The following SLC25A28 variants were observed in gnomAD, a reference collection of about 807,000 sequenced individuals.
The protein encoded by SLC25A28 is mitoferrin-2.
In SLC25A28, 10 loss-of-function variants were observed where a neutral mutation model predicts 31.9. The observed-to-expected ratio is 0.31, with a 90% CI of 0.19 to 0.53. The LOEUF is 0.53. Ranked by LOEUF, SLC25A28 falls within the 20% of genes least tolerant of loss-of-function variation. SLC25A28 has a pLI of 0.95. For synonymous variants in SLC25A28, 208 were observed against 203.6 expected, an observed-to-expected ratio of 1.02 and a Z score of -0.19; for missense variants, 256 against 490.3, an observed-to-expected ratio of 0.52 and a Z score of 4.51.
At chr10:99,638,635 A>G in the SLC25A28 span, among the ~76,000 whole-genome samples, 1 of 152,254 alleles carries the variant, frequency 6.6e-6, no homozygotes, top group Non-Finnish European at 1.5e-5. Context: ...GGACATGAAT[A>G]GACAATTCTC....
At chr10:99,627,544 G>A in the SLC25A28 span, among the ~76,000 whole-genome samples, 2 of 151,380 alleles carry the variant, frequency 1.3e-5, no homozygotes, top group Non-Finnish European at 2.9e-5. Context: ...TGGCTCAAGC[G>A]ATCCTCCTGC....
At chr10:99,615,073 G>A (rs919513600) in intron 1 of SLC25A28, among the ~76,000 whole-genome samples, 4 of 151,866 alleles carry the variant, frequency 2.6e-5, no homozygotes, top group African/African-American at 9.7e-5. Flanking sequence ...TTGAACCTTC[G>A]GCCAGGCACG....
chr10:99,656,631 T>C, the SLC25A28 span, among the ~76,000 whole-genome samples: 1 of 152,000 alleles, frequency 6.6e-6, no homozygotes, highest in Non-Finnish European at 1.5e-5. Context: ...GGAAGGAGAA[T>C]CCACAAGGGG....
the SLC25A28 span, among the ~76,000 whole-genome samples, chr10:99,639,895 G>C: frequency 6.6e-6 from 1 of 152,032 alleles, no homozygotes; most frequent in Non-Finnish European, 1.5e-5. Flanking sequence ...TACTTATCAG[G>C]CTTCAGTTAT....
At chr10:99,621,107 A>G, upstream of SLC25A28, 1 of 516,828 alleles carries the variant, frequency 1.9e-6, no homozygotes, top group Non-Finnish European at 2.5e-6. Flanking sequence ...CTGTCCGGGA[A>G]GCCGTTGCGA....
At chr10:99,631,865 C>T in the SLC25A28 span, among the ~76,000 whole-genome samples, 24 of 148,512 alleles carry the variant, frequency 1.6e-4, no homozygotes, top group South Asian at 4.7e-3. Flanking sequence ...GTACTGAACA[C>T]GCTCAGTATG....
Position 99,620,282 on chromosome 10 carries a change from C to T in SLC25A28, c.54G>A (p.Gly18=). 1.7e-6 allele frequency: 2 copies of T among 1,189,298 alleles called. No homozygotes were observed. Among genetic ancestry groups the T allele is most frequent in the Admixed American group, 4.5e-5 (1 of 22,350 alleles). The allele number at this position is 1,189,298 out of a possible 1,614,324, so 73.7% of individuals were successfully genotyped here. ...CCGACTCCCCGGGGCTCCGCCCGGG[C>T]CCTGCCGCCGGCCCCCCCGCCACAC... is the stretch of plus-strand genomic sequence containing the variant. ...AGGVAGGPAA[G]PGRSPGESAL... The change falls in exon 1 of 4, where the codon GGG becomes GGA. Residue 18 remains glycine (G), a synonymous_variant. Transcript: ENST00000370495.
the SLC25A28 span, among the ~76,000 whole-genome samples, chr10:99,627,099 G>C: frequency 6.6e-6 from 1 of 151,964 alleles, no homozygotes. Flanking sequence ...AAATTAGCCG[G>C]GCATGGTGGT....
chr10:99,615,997 T>C (rs1359795195), intron 1 of SLC25A28: 1 of 985,278 alleles, frequency 1.0e-6, no homozygotes, highest in East Asian at 1.1e-4. Context: ...TCAACAATTC[T>C]AACTCGATAA....
rs1419279190 is a variant in SLC25A28 at position 99,611,811 on chromosome 10, C to A, written c.578-445G>T. 6.6e-6 allele frequency among the ~76,000 whole-genome samples: 1 copy of A among 152,166 alleles called. No individual in the cohort carries two copies. Among genetic ancestry groups the A allele is most frequent in the Non-Finnish European group, 1.5e-5 (1 of 68,030 alleles). ...ACTTTTAAAATGTGAGATGGTGATC[C>A]TCCTAGAGGGGAGGAGACAGAAGTT... is the stretch of plus-strand genomic sequence containing the variant. On this transcript the variant is annotated intron_variant, in intron 3 of 3. Coordinates refer to ENST00000370495, the MANE Select transcript of SLC25A28 (RefSeq NM_031212.4). The surrounding 1 kb of genome is among the most constrained non-coding windows in gnomAD (Gnocchi z 5.5).
chr10:99,649,724 C>T, the SLC25A28 span, among the ~76,000 whole-genome samples: 26 of 152,142 alleles, frequency 1.7e-4, no homozygotes, highest in African/African-American at 2.7e-4. Flanking sequence ...CCCACTTCTT[C>T]TAGGTATTCT....
the SLC25A28 span, among the ~76,000 whole-genome samples, chr10:99,628,258 G>A: frequency 1.3e-5 from 2 of 152,268 alleles, no homozygotes; most frequent in African/African-American, 4.8e-5. Context: ...AGAAAAAGCT[G>A]AGTAATACTC....
the SLC25A28 span, among the ~76,000 whole-genome samples, chr10:99,633,997 C>A: frequency 6.6e-6 from 1 of 152,168 alleles, no homozygotes. Context: ...ACTCCCAGTA[C>A]CAGCCTGGGG....
rs779970869 is a variant in SLC25A28, at chr10:99,613,665, G to C, written c.520+31C>G. 11 of 1,614,118 alleles carry C rather than the reference G, an allele frequency of 6.8e-6. No individual in the cohort carries two copies. In the East Asian group the frequency reaches 2.2e-4, roughly 33 times the overall value. On this transcript the variant is annotated intron_variant, in intron 2 of 3. Transcript: ENST00000370495. The surrounding 1 kb of genome is among the most constrained non-coding windows in gnomAD (Gnocchi z 4.9). ...CAGCAAAGCCCAAAGAGTTGGGAAA[G>C]TGGGGGAACCAGCACAGGAAGGCTC...
chr10:99,620,411 G>A lies in SLC25A28; in HGVS notation c.-76C>T, dbSNP rs1192985043. ...CGCCGCCGCCCCCCGGCCCCGTAGT[G>A]TCCGCCTCAGGCGCGGCCCAGAGAG... On this transcript the variant is annotated 5_prime_UTR_variant, in exon 1 of 4. Coordinates refer to ENST00000370495, the MANE Select transcript of SLC25A28 (RefSeq NM_031212.4). The A allele has an allele frequency of 9.5e-7, 1 of 1,052,976 alleles. No homozygotes were observed. Among genetic ancestry groups the A allele is most frequent in the Admixed American group, 5.4e-5 (1 of 18,352 alleles). 65.2% of individuals were successfully genotyped at this position (1,052,976 alleles called of 1,614,324 possible). A position where few individuals can be genotyped will look rare whatever the true frequency, so the allele number is the denominator to read the frequency against.
upstream of SLC25A28, among the ~76,000 whole-genome samples, chr10:99,622,175 G>A (rs573507473): frequency 9.9e-5 from 15 of 152,226 alleles, no homozygotes; most frequent in Non-Finnish European, 2.9e-5. Flanking sequence ...ATACAAAAAA[G>A]TACAAAAATT....
At chr10:99,622,962 G>A (rs2034822931), upstream of SLC25A28, among the ~76,000 whole-genome samples, 1 of 151,972 alleles carries the variant, frequency 6.6e-6, no homozygotes, top group Non-Finnish European at 1.5e-5. Flanking sequence ...GGGGAGGTGG[G>A]ACAGAGAAAA....
Position 99,620,239 on chromosome 10 carries a change from G to A in SLC25A28, c.97C>T (p.Leu33=). 7.6e-7 allele frequency: 1 copy of A among 1,317,058 alleles called. No homozygotes were observed. The highest frequency in any genetic ancestry group is 9.6e-7 in the Non-Finnish European group (1 of 1,037,312). The allele number at this position is 1,317,058 out of a possible 1,614,324, so 81.6% of individuals were successfully genotyped here. A position where few individuals can be genotyped will look rare whatever the true frequency, so the allele number is the denominator to read the frequency against. Residue 33 remains leucine, a synonymous_variant, in exon 1 of 4, where the codon CTG becomes TTG. Transcript: ENST00000370495. The part of the protein sequence containing the change: ...PGESALLDGW[L]QRGVGRGAGG... Reference sequence around the variant, plus strand: ...GCCCCCCGGCCCACGCCCCGCTGCAGCCACCCGTCCAGCAGCGCCGACTCC... The same window carrying A: ...GCCCCCCGGCCCACGCCCCGCTGCAACCACCCGTCCAGCAGCGCCGACTCC...
Position 99,611,474 on chromosome 10 carries a change from G to C in SLC25A28, c.578-108C>G. ...AGCAGATCAGCCAATGGAATAGAGA[G>C]AGAAAAAAGTATGAGTGAGCTGCTG... is the stretch of plus-strand genomic sequence containing the variant. On this transcript the variant is annotated intron_variant, in intron 3 of 3. Coordinates refer to ENST00000370495, the MANE Select transcript of SLC25A28 (RefSeq NM_031212.4). This position sits in a 1 kb window ranked among gnomAD's most constrained non-coding sequence, Gnocchi z 5.5. 2 of 1,394,472 alleles carry C rather than the reference G, an allele frequency of 1.4e-6. No homozygotes were observed. Among genetic ancestry groups the C allele is most frequent in the East Asian group, 2.3e-5 (1 of 43,440 alleles). The allele number at this position is 1,394,472 out of a possible 1,614,324, so 86.4% of individuals were successfully genotyped here. A position where few individuals can be genotyped will look rare whatever the true frequency, so the allele number is the denominator to read the frequency against.
Sources: allele counts gnomAD v4.1 joint callset (sites outside exome capture counted in the v4.1 genomes callset), GRCh38; gene constraint gnomAD v4.1.1; non-coding constraint Gnocchi (gnomAD v3.1); transcripts MANE v1.5; gene names NCBI Gene and HGNC (gene_info 2026-07-23, HGNC 2026-07-21).